Variants in FCF1 observed in about 807,000 individuals in gnomAD.
The protein encoded by FCF1 is FCF1 rRNA-processing protein.
In FCF1, 17 loss-of-function variants were observed where a neutral mutation model predicts 32.5. That is an observed-to-expected ratio of 0.52 (90% CI 0.36 to 0.78). The LOEUF is 0.78. Among genes scored for constraint, FCF1 ranks in the 30% least tolerant of loss-of-function variants. The probability of loss-of-function intolerance (pLI) is 0.00; values close to 1 mark genes in which losing one functional copy is unlikely to be tolerated. For synonymous variants in FCF1, 84 were observed against 78.4 expected (o/e 1.07, Z -0.38); for missense variants, 201 against 241.1 (o/e 0.83, Z 1.10).
At chr14:74,724,236 G>T (rs1204587532) in intron 5 of FCF1, among the ~76,000 whole-genome samples, 2 of 152,076 alleles carry the variant, frequency 1.3e-5, no homozygotes, top group Non-Finnish European at 2.9e-5. Context: ...TAATTAAATT[G>T]GTTTAAAGGA....
At chr14:74,715,351 T>C (rs2090404474) in intron 3 of FCF1, among the ~76,000 whole-genome samples, 1 of 152,160 alleles carries the variant, frequency 6.6e-6, no homozygotes, top group Admixed American at 6.5e-5. Context: ...TCCTTTTAAG[T>C]AAGTACATTT....
At chr14:74,722,522 T>A (rs1280411234) in intron 4 of FCF1, among the ~76,000 whole-genome samples, 3 of 152,146 alleles carry the variant, frequency 2.0e-5, no homozygotes, top group South Asian at 2.1e-4. Context: ...GATTTTTTTT[T>A]AAACTATTAT....
intron 5 of FCF1, among the ~76,000 whole-genome samples, chr14:74,730,881 C>A (rs1451570339): frequency 6.6e-6 from 1 of 152,160 alleles, no homozygotes; most frequent in East Asian, 1.9e-4. Context: ...TGCCTGTAAT[C>A]CCAGCTACTC....
chr14:74,719,261 C>T (rs2090465461), intron 4 of FCF1, among the ~76,000 whole-genome samples: 1 of 150,112 alleles, frequency 6.7e-6, no homozygotes, highest in Admixed American at 6.6e-5. Context: ...TGCCACTACA[C>T]TCCAGCCCAG....
intron 1 of FCF1, 51 bp from the exon 2 acceptor site, chr14:74,713,434 A>T: frequency 6.3e-7 from 1 of 1,587,332 alleles, no homozygotes; most frequent in Middle Eastern, 1.7e-4. Flanking sequence ...AGAGACTTTA[A>T]AAGATGCCGT....
rs967853669 is a variant in FCF1, at chr14:74,722,779, A to T, written c.293-493A>T. Among the ~76,000 whole-genome samples, 6 of 151,964 alleles carry T rather than the reference A, an allele frequency of 3.9e-5. No individual in the cohort carries two copies. In the East Asian group the frequency reaches 1.2e-3, roughly 29 times the overall value. On this transcript the variant is annotated intron_variant, in intron 4 of 7. Coordinates refer to ENST00000341162, the MANE Select transcript of FCF1 (RefSeq NM_015962.5). ...CAAAGCCCCATCTCTACAAAAAAAAAATGTTTTTTTTTAATTAGCTGGGCA... is the reference window on the plus strand; with the variant it reads ...CAAAGCCCCATCTCTACAAAAAAAATATGTTTTTTTTTAATTAGCTGGGCA...
Position 74,735,651 on chromosome 14 carries a change from C to G in FCF1, c.*721C>G, listed in dbSNP as rs1401253095. On this transcript the variant is annotated 3_prime_UTR_variant, in exon 8 of 8. Transcript: ENST00000341162. Reference sequence around the variant, plus strand: ...TGGCGTGATCTGGGCTCACTGCAACCCCTGCCTCCCATCCTTCAAGTGATT... The same window carrying G: ...TGGCGTGATCTGGGCTCACTGCAACGCCTGCCTCCCATCCTTCAAGTGATT... 1 of 151,602 alleles carries G rather than the reference C, an allele frequency of 6.6e-6. No individual in the cohort carries two copies. The highest frequency in any genetic ancestry group is 1.9e-4 in the East Asian group (1 of 5,176). 9.4% of individuals were successfully genotyped at this position (151,602 alleles called of 1,614,324 possible).
At chr14:74,732,844 T>C (rs1236717062) in intron 6 of FCF1, 26 bp downstream of exon 6, 1 of 1,413,958 alleles carries the variant, frequency 7.1e-7, no homozygotes, top group Non-Finnish European at 9.8e-7. Flanking sequence ...AACTGTTTAC[T>C]TTGTGCTTAA....
In FCF1 at chr14:74,736,799, T is replaced by C. The variant is rs1467435981; in HGVS notation, c.*1869T>C. 2 of 152,212 alleles carry C rather than the reference T, an allele frequency of 1.3e-5. No homozygotes were observed. The highest frequency in any genetic ancestry group is 2.4e-5 in the African/African-American group (1 of 41,448). The allele number at this position is 152,212 out of a possible 1,614,324, so 9.4% of individuals were successfully genotyped here. On this transcript the variant is annotated 3_prime_UTR_variant, in exon 8 of 8. Transcript: ENST00000341162. The stretch of plus-strand genomic sequence containing the variant: ...CAATAAACATTTATTAAATGTATAC[T>C]AGGTGCTTAATAAGAGATGGTCCTG...
intron 5 of FCF1, among the ~76,000 whole-genome samples, chr14:74,728,252 C>T (rs2090597013): frequency 6.6e-6 from 1 of 152,114 alleles, no homozygotes; most frequent in Non-Finnish European, 1.5e-5. Flanking sequence ...AATGTTCTTC[C>T]ATTTGTTTGT....
In FCF1 at chr14:74,724,746, A is replaced by G. The variant is rs557802891; in HGVS notation, c.365+1402A>G. Among the ~76,000 whole-genome samples the G allele has an allele frequency of 3.2e-3, 483 of 152,192 alleles. 3 individuals are homozygous for G. The highest frequency in any genetic ancestry group is 6.8e-3 in the Middle Eastern group (2 of 294). On this transcript the variant is annotated intron_variant, in intron 5 of 7. Coordinates refer to ENST00000341162, the MANE Select transcript of FCF1 (RefSeq NM_015962.5). ...ATGGTGAAACCCTGTCTCCACAAAAAGTAAAAAAATTAACCAGGTGTGGTG... is the reference window on the plus strand; with the variant it reads ...ATGGTGAAACCCTGTCTCCACAAAAGGTAAAAAAATTAACCAGGTGTGGTG...
intron 1 of FCF1, 27 bp downstream of exon 1, chr14:74,713,227 C>A (rs898713731): frequency 1.2e-6 from 2 of 1,614,066 alleles, no homozygotes; most frequent in African/African-American, 1.3e-5. Flanking sequence ...CAAGAAGGGA[C>A]GTTATCAGGC....
chr14:74,730,116 A>G (rs1260996109), intron 5 of FCF1, among the ~76,000 whole-genome samples: 1 of 152,122 alleles, frequency 6.6e-6, no homozygotes, highest in African/African-American at 2.4e-5. Context: ...ATGTCTATGA[A>G]AAAGCAAGAA....
Position 74,734,884 on chromosome 14 carries a change from A to G in FCF1, c.551A>G (p.Tyr184Cys). ...VPIMYISNHR[Y>C]NIERMPDDYG... ...TGTTGATTTTTTGTCCTGATCAGAT[A>G]CAACATTGAACGGATGCCAGATGAT... Residue 184 changes from tyrosine to cysteine, a missense_variant and splice_region_variant, in exon 8 of 8, where the codon TAC (tyrosine) becomes TGC (cysteine). Transcript: ENST00000341162. 6.2e-7 allele frequency: 1 copy of G among 1,613,648 alleles called. No individual in the cohort carries two copies. The highest frequency in any genetic ancestry group is 8.5e-7 in the Non-Finnish European group (1 of 1,179,638).
At chr14:74,728,289 G>A (rs2064683094) in intron 5 of FCF1, among the ~76,000 whole-genome samples, 1 of 152,134 alleles carries the variant, frequency 6.6e-6, no homozygotes, top group African/African-American at 2.4e-5. Flanking sequence ...TTGAGCAGTG[G>A]TTTGTAATTC....
Position 74,715,965 on chromosome 14 carries a change from C to T in FCF1, c.158C>T (p.Ser53Phe). 1 of 1,613,850 alleles carries T rather than the reference C, an allele frequency of 6.2e-7. No homozygotes were observed. Residue 53 changes from serine (S) to phenylalanine (F), a missense_variant, in exon 4 of 8, where the codon TCC becomes TTC. Coordinates refer to ENST00000341162, the MANE Select transcript of FCF1 (RefSeq NM_015962.5). ...TTTTCCTTCAGTCCCCAACACCCTTCCTGCTTATTTTTCCAATATAATACA... is the reference window on the plus strand; with the variant it reads ...TTTTCCTTCAGTCCCCAACACCCTTTCTGCTTATTTTTCCAATATAATACA... ...LKEREVPQHP[S>F]CLFFQYNTQL...
chr14:74,726,434 T>G (rs902925003), intron 5 of FCF1, among the ~76,000 whole-genome samples: 3 of 151,904 alleles, frequency 2.0e-5, no homozygotes, highest in African/African-American at 7.3e-5. Context: ...ATCATACCAC[T>G]GCATTCTAGC....
intron 5 of FCF1, among the ~76,000 whole-genome samples, chr14:74,724,909 A>C (rs1033178584): frequency 6.6e-6 from 1 of 152,128 alleles, no homozygotes; most frequent in Non-Finnish European, 1.5e-5. Context: ...TGTCTCAAAA[A>C]AAAAAGAAAG....
chr14:74,729,588 G>A (rs2090609645), intron 5 of FCF1, among the ~76,000 whole-genome samples: 1 of 151,970 alleles, frequency 6.6e-6, no homozygotes, highest in Admixed American at 6.6e-5. Flanking sequence ...AGGGTTTTTT[G>A]TGTCTCTATT....
Sources: gnomAD v4.1 joint callset for allele counts (sites outside exome capture counted in the v4.1 genomes callset) on GRCh38, gnomAD v4.1.1 for gene constraint, MANE v1.5 for transcripts, NCBI Gene and HGNC (gene_info 2026-07-23, HGNC 2026-07-21) for gene names.